The following FARP2 variants were observed in gnomAD, a reference collection of about 807,000 sequenced individuals.
FARP2 encodes the protein FERM, ARHGEF and pleckstrin domain-containing protein 2.
In FARP2, 111 loss-of-function variants were observed where a neutral mutation model predicts 130.5. The ratio of observed to expected loss-of-function variants is 0.85; its 90% CI spans 0.73 to 1.00. The LOEUF (loss-of-function observed/expected upper bound fraction) is 1.00, where lower values mean the gene tolerates loss of function less well. Ranked by LOEUF, FARP2 falls within the 50% of genes least tolerant of loss-of-function variation. The pLI, the probability that FARP2 is intolerant of heterozygous loss-of-function variation, is 0.00. For synonymous variants in FARP2, 504 were observed against 516.9 expected, an observed-to-expected ratio of 0.98 and a Z score of 0.34; for missense variants, 1,385 against 1,346.3, an observed-to-expected ratio of 1.03 and a Z score of -0.45.
At chr2:241,436,072 C>T (rs894184019) in intron 11 of FARP2, among the ~76,000 whole-genome samples, 2 of 151,290 alleles carry the variant, frequency 1.3e-5, no homozygotes, top group African/African-American at 4.9e-5. Flanking sequence ...ACCACCACAC[C>T]CAGCTAATTT....
At chr2:241,373,970 T>C (rs970937863) in intron 2 of FARP2, among the ~76,000 whole-genome samples, 1 of 152,172 alleles carries the variant, frequency 6.6e-6, no homozygotes, top group Non-Finnish European at 1.5e-5. Context: ...TTTTTTGTTT[T>C]TCTACATGTT....
intron 6 of FARP2, 148 bp downstream of exon 6, chr2:241,411,278 G>A: frequency 3.2e-6 from 2 of 629,228 alleles, no homozygotes; most frequent in South Asian, 3.8e-5. Flanking sequence ...TTTTTTATAA[G>A]CTACAGATTA....
At chr2:241,442,240 A>G (rs1228693637) in intron 13 of FARP2, 3 of 456,714 alleles carry the variant, frequency 6.6e-6, no homozygotes, top group South Asian at 4.6e-5. Flanking sequence ...ATCTGAGGCC[A>G]GCTCCATGGT....
chr2:241,469,092 GT>G (rs570980000), intron 18 of FARP2, among the ~76,000 whole-genome samples: 156 of 146,196 alleles, frequency 1.1e-3, no homozygotes, highest in Admixed American at 2.1e-3. Flanking sequence ...TGGTTTTGTG[GT>G]TTTTTTTTTT....
At chr2:241,410,072 G>T (rs2062474852) in intron 5 of FARP2, among the ~76,000 whole-genome samples, 6 of 152,148 alleles carry the variant, frequency 3.9e-5, no homozygotes, top group African/African-American at 1.2e-4. Flanking sequence ...TGCATTTCCA[G>T]CTCCCAGAAC....
chr2:241,372,930 T>C (rs1389543957), intron 1 of FARP2, 154 bp from the exon 2 acceptor site: 1 of 393,866 alleles, frequency 2.5e-6, no homozygotes, highest in African/African-American at 2.1e-5. Context: ...AAATAATCTT[T>C]TGTAACACTT....
At chr2:241,371,970 G>A (rs1428532016) in intron 1 of FARP2, among the ~76,000 whole-genome samples, 1 of 152,000 alleles carries the variant, frequency 6.6e-6, no homozygotes, top group African/African-American at 2.4e-5. Context: ...CTATCTTTGT[G>A]TGTCCCGTGC....
At chr2:241,378,416 A>ATATTTTTTTTT in intron 2 of FARP2, among the ~76,000 whole-genome samples, 1 of 107,702 alleles carries the variant, frequency 9.3e-6, no homozygotes, top group Non-Finnish European at 1.8e-5. Flanking sequence ...TGCCTGGCCT[A>ATATTTTTTTTT]TTTTTTTTTT....
At chr2:241,375,103 T>C (rs2061505354) in intron 2 of FARP2, among the ~76,000 whole-genome samples, 1 of 152,134 alleles carries the variant, frequency 6.6e-6, no homozygotes, top group Non-Finnish European at 1.5e-5. Context: ...CCCGCCACCA[T>C]GCCCAGCTTA....
intron 2 of FARP2, among the ~76,000 whole-genome samples, chr2:241,397,474 C>T (rs912756637): frequency 2.6e-5 from 4 of 152,146 alleles, no homozygotes; most frequent in Non-Finnish European, 2.9e-5. Flanking sequence ...AGTGATCAAA[C>T]TTCATAGTGT....
At chr2:241,381,572 G>C (rs1424534064) in intron 2 of FARP2, among the ~76,000 whole-genome samples, 1 of 152,106 alleles carries the variant, frequency 6.6e-6, no homozygotes, top group African/African-American at 2.4e-5. Context: ...TCAGGGTTCT[G>C]CTGGCACTTC....
intron 8 of FARP2, among the ~76,000 whole-genome samples, chr2:241,426,347 T>C (rs897679582): frequency 1.3e-5 from 2 of 152,200 alleles, no homozygotes; most frequent in Non-Finnish European, 2.9e-5. Context: ...AGCTTTACTT[T>C]ATAATATAAA....
intron 1 of FARP2, among the ~76,000 whole-genome samples, chr2:241,359,616 G>A (rs1319524522): frequency 6.6e-6 from 1 of 152,220 alleles, no homozygotes; most frequent in Non-Finnish European, 1.5e-5. Context: ...GAGGAAAGCT[G>A]CTCCAGGTCA....
intron 1 of FARP2, among the ~76,000 whole-genome samples, chr2:241,365,753 A>G (rs1324616681): frequency 2.6e-5 from 4 of 152,098 alleles, no homozygotes; most frequent in African/African-American, 7.2e-5. Context: ...AGTTTAGCTG[A>G]TGTCTTGATT....
intron 8 of FARP2, among the ~76,000 whole-genome samples, chr2:241,425,025 CATGG>C: frequency 6.6e-6 from 1 of 152,188 alleles, no homozygotes; most frequent in East Asian, 1.9e-4. Flanking sequence ...CTGGGGCCAA[CATGG>C]TAAAACCCTG....
At position 241,381,561 on chromosome 2, in the gene FARP2, T is replaced by C. The variant is rs113500943; in HGVS notation, c.183+8271T>C. Among the ~76,000 whole-genome samples the C allele has an allele frequency of 3.8e-3, 584 of 152,264 alleles. 1 individual carries two copies. Among genetic ancestry groups the C allele is most frequent in the Non-Finnish European group, 7.5e-3 (511 of 68,022 alleles). On this transcript the variant is annotated intron_variant, in intron 2 of 26. Coordinates refer to ENST00000264042, the MANE Select transcript of FARP2 (RefSeq NM_014808.4). ...TCCACAGCTGGAAGGTGCAGTGCTT[T>C]TCAGGGTTCTGCTGGCACTTCACTT...
intron 6 of FARP2, among the ~76,000 whole-genome samples, chr2:241,412,088 T>C (rs1364003654): frequency 6.6e-6 from 1 of 152,202 alleles, no homozygotes; most frequent in Non-Finnish European, 1.5e-5. Flanking sequence ...GAGCCTCAGA[T>C]CGTGGCCCTG....
At chr2:241,491,802 TCTTA>T (rs2064924062) in intron 24 of FARP2, 123 bp downstream of exon 24, 5 of 893,292 alleles carry the variant, frequency 5.6e-6, no homozygotes, top group Non-Finnish European at 8.2e-6. Context: ...GAGGACTGCC[TCTTA>T]CTCTCCCCTT....
chr2:241,363,657 A>G (rs1412174954), intron 1 of FARP2, among the ~76,000 whole-genome samples: 1 of 152,262 alleles, frequency 6.6e-6, no homozygotes, highest in African/African-American at 2.4e-5. Context: ...GCCACCAAGC[A>G]AGTAGGGACC....
Sources: allele counts gnomAD v4.1 joint callset (sites outside exome capture counted in the v4.1 genomes callset), GRCh38; gene constraint gnomAD v4.1.1; transcripts MANE v1.5; gene names NCBI Gene and HGNC (gene_info 2026-07-23, HGNC 2026-07-21).